Variants in CCDC127 observed in about 807,000 individuals in gnomAD.
CCDC127 encodes the protein coiled-coil domain containing 127.
Under a neutral mutation model 4.1 loss-of-function variants are expected in CCDC127, and 2 were observed. The ratio of observed to expected loss-of-function variants is 0.49; its 90% CI spans 0.20 to 1.53. The LOEUF is 1.53. CCDC127 is among the 40% of genes most tolerant of loss of function. The probability of loss-of-function intolerance (pLI) is 0.23; values close to 1 mark genes in which losing one functional copy is unlikely to be tolerated. For missense variants in CCDC127, 271 were observed against 322.9 expected, an observed-to-expected ratio of 0.84 and a Z score of 1.23; for synonymous variants, 98 against 120.4, an observed-to-expected ratio of 0.81 and a Z score of 1.22.
At chr5:213,836 C>G (rs1407096907) in intron 2 of CCDC127, 1 of 152,254 alleles carries the variant, frequency 6.6e-6, no homozygotes, top group East Asian at 1.9e-4. Flanking sequence ...AGTAATTTCA[C>G]TTCTGGCCCT....
rs1734040060 is a variant in CCDC127 at position 199,953 on chromosome 5, G to T, written c.*5344C>A. On this transcript the variant is annotated 3_prime_UTR_variant, in exon 3 of 3. Transcript: ENST00000296824. ...CCTCTACCTGGACCAGGCAGGTCAT[G>T]AAAGATGGGGCACTGCCTGAGGTCT... 6.6e-6 allele frequency: 1 copy of T among 152,278 alleles called. No individual in the cohort carries two copies. The highest frequency in any genetic ancestry group is 6.5e-5 in the Admixed American group (1 of 15,288). 9.4% of individuals were successfully genotyped at this position (152,278 alleles called of 1,614,324 possible).
rs1204091146 is a variant in CCDC127 at position 197,765 on chromosome 5, T to TCTCC, written c.*7531_*7532insGGAG. 1 of 145,758 alleles carries TCTCC rather than the reference T, an allele frequency of 6.9e-6. No individual in the cohort carries two copies. The highest frequency in any genetic ancestry group is 2.0e-4 in the East Asian group (1 of 5,012). The allele number at this position is 145,758 out of a possible 1,614,324, so 9.0% of individuals were successfully genotyped here. A position where few individuals can be genotyped will look rare whatever the true frequency, so the allele number is the denominator to read the frequency against. ...CTACATAGACACAGTGACAGTCTGA[T>TCTCC]CTCTCTTTTCCCTACACCGCTGCCC... is the stretch of plus-strand genomic sequence containing the variant. On this transcript the variant is annotated 3_prime_UTR_variant, in exon 3 of 3. Transcript: ENST00000296824.
In CCDC127 at chr5:199,645, C is replaced by A. The variant is rs1240626094; in HGVS notation, c.*5652G>T. 6.5e-6 allele frequency: 1 copy of A among 152,784 alleles called. No homozygotes were observed. The highest frequency in any genetic ancestry group is 1.5e-5 in the Non-Finnish European group (1 of 68,620). The allele number at this position is 152,784 out of a possible 1,614,324, so 9.5% of individuals were successfully genotyped here. ...CCCATGGGGAGCAGCCACCTCGGAG[C>A]TATGGCACAGTGCTGTCAAGAGCAG... On this transcript the variant is annotated 3_prime_UTR_variant, in exon 3 of 3. Transcript: ENST00000296824.
chr5:210,121 A>G lies in CCDC127; in HGVS notation c.122-4163T>C, dbSNP rs565367153. Among the ~76,000 whole-genome samples, 34 of 152,378 alleles carry G rather than the reference A, an allele frequency of 2.2e-4. 2 individuals are homozygous for G. In the South Asian group the frequency reaches 6.8e-3, roughly 31 times the overall value. ...GGCAAACAGGCTGGAAAGAAGAAAT[A>G]CAACTAAAGTCTTACTCCTTATTAA... is the stretch of plus-strand genomic sequence containing the variant. On this transcript the variant is annotated intron_variant, in intron 2 of 2. Transcript: ENST00000296824.
rs1734039317 is a variant in CCDC127, at chr5:199,921, C to T, written c.*5376G>A. On this transcript the variant is annotated 3_prime_UTR_variant, in exon 3 of 3. Transcript: ENST00000296824. ...CCCTGCACCTGCTCCTGGAGCAGGA[C>T]TTGACTCCTCTACCTGGACCAGGCA... 1 of 152,326 alleles carries T rather than the reference C, an allele frequency of 6.6e-6. No individual in the cohort carries two copies. Among genetic ancestry groups the T allele is most frequent in the Non-Finnish European group, 1.5e-5 (1 of 68,130 alleles). The allele number at this position is 152,326 out of a possible 1,614,324, so 9.4% of individuals were successfully genotyped here.
intron 2 of CCDC127, among the ~76,000 whole-genome samples, chr5:210,340 G>A (rs1734256955): frequency 6.6e-6 from 1 of 152,130 alleles, no homozygotes; most frequent in African/African-American, 2.4e-5. Context: ...CCCCTATGAA[G>A]AGAATGAAAA....
rs527327917 is a variant in CCDC127, at chr5:217,024, G to C, written c.-10-165C>G. 121 of 546,458 alleles carry C rather than the reference G, an allele frequency of 2.2e-4. 1 individual carries two copies. The African/African-American group carries it at 2.3e-3, about 10-fold the overall frequency. The allele number at this position is 546,458 out of a possible 1,614,324, so 33.9% of individuals were successfully genotyped here. A position where few individuals can be genotyped will look rare whatever the true frequency, so the allele number is the denominator to read the frequency against. On this transcript the variant is annotated intron_variant, in intron 1 of 2. Coordinates refer to ENST00000296824, the MANE Select transcript of CCDC127 (RefSeq NM_145265.3). ...CGGGCACCTGTAGTCCCAGCTACTCGGGAGGCTGAGGCAGGAGAATCGCTT... is the reference window on the plus strand; with the variant it reads ...CGGGCACCTGTAGTCCCAGCTACTCCGGAGGCTGAGGCAGGAGAATCGCTT...
chr5:218,077 A>AC lies in CCDC127; in HGVS notation c.-11+15dup. On this transcript the variant is annotated intron_variant, in intron 1 of 2. Transcript: ENST00000296824. ...TGTTGGTGCCCACCACCTCCCCGGA[A>AC]CAGGGCCCGCTCTACCTCGGTCGGG... is the stretch of plus-strand genomic sequence containing the variant. The AC allele has an allele frequency of 8.6e-7, 1 of 1,164,874 alleles. No individual in the cohort carries two copies. The highest frequency in any genetic ancestry group is 1.1e-6 in the Non-Finnish European group (1 of 943,218). The allele number at this position is 1,164,874 out of a possible 1,614,324, so 72.2% of individuals were successfully genotyped here.
intron 2 of CCDC127, among the ~76,000 whole-genome samples, chr5:209,884 C>CAA (rs199828738): frequency 6.7e-6 from 1 of 149,718 alleles, no homozygotes; most frequent in African/African-American, 2.4e-5. Context: ...TCAATTGAAA[C>CAA]CAAAAAAAAA....
In CCDC127 at chr5:198,084, G is replaced by T. The variant is rs995028073; in HGVS notation, c.*7213C>A. 2.0e-5 allele frequency: 3 copies of T among 152,346 alleles called. No homozygotes were observed. The highest frequency in any genetic ancestry group is 7.2e-5 in the African/African-American group (3 of 41,448). 9.4% of individuals were successfully genotyped at this position (152,346 alleles called of 1,614,324 possible). On this transcript the variant is annotated 3_prime_UTR_variant, in exon 3 of 3. Coordinates refer to ENST00000296824, the MANE Select transcript of CCDC127 (RefSeq NM_145265.3). ...CCCAGGGTAGGGGTTTGCCTGGGTTGTAGGGGTTGGGTACCCAGCATGAGT... is the reference window on the plus strand; with the variant it reads ...CCCAGGGTAGGGGTTTGCCTGGGTTTTAGGGGTTGGGTACCCAGCATGAGT...
In CCDC127 at chr5:205,194, GGC is replaced by G; in HGVS notation, c.*101_*102del. On this transcript the variant is annotated 3_prime_UTR_variant, in exon 3 of 3. Coordinates refer to ENST00000296824, the MANE Select transcript of CCDC127 (RefSeq NM_145265.3). ...GGTCGCTGCTGAAGGGTGACGGTGTGGCCATGACACGGGCAGCACGGGAACGG... is the reference window on the plus strand; with the variant it reads ...GGTCGCTGCTGAAGGGTGACGGTGTGCATGACACGGGCAGCACGGGAACGG... 1 of 1,068,928 alleles carries G rather than the reference GGC, an allele frequency of 9.4e-7. No homozygotes were observed. Among genetic ancestry groups the G allele is most frequent in the South Asian group, 1.5e-5 (1 of 64,834 alleles). 66.2% of individuals were successfully genotyped at this position (1,068,928 alleles called of 1,614,324 possible).
In CCDC127 at chr5:218,144, G is replaced by C; in HGVS notation, c.-62C>G. 1.6e-6 allele frequency: 2 copies of C among 1,239,958 alleles called. No individual in the cohort carries two copies. The highest frequency in any genetic ancestry group is 2.0e-6 in the Non-Finnish European group (2 of 990,352). 76.8% of individuals were successfully genotyped at this position (1,239,958 alleles called of 1,614,324 possible). Reference sequence around the variant, plus strand: ...CGTTCCCTTAACGCCACCGTCCGCGGGTCCGCTTTGCGCAGGCGCGGCGCC... The same window carrying C: ...CGTTCCCTTAACGCCACCGTCCGCGCGTCCGCTTTGCGCAGGCGCGGCGCC... On this transcript the variant is annotated 5_prime_UTR_variant, in exon 1 of 3. Coordinates refer to ENST00000296824, the MANE Select transcript of CCDC127 (RefSeq NM_145265.3).
At position 205,762 on chromosome 5, in the gene CCDC127, A is replaced by G. The variant is rs778062381; in HGVS notation, c.318T>C (p.Leu106=). The G allele has an allele frequency of 5.6e-6, 9 of 1,614,150 alleles. No individual in the cohort carries two copies. The highest frequency in any genetic ancestry group is 5.9e-6 in the Non-Finnish European group (7 of 1,180,020). The change falls in exon 3 of 3, where the codon CTT becomes CTC. Residue 106 remains leucine (L), a synonymous_variant. Coordinates refer to ENST00000296824, the MANE Select transcript of CCDC127 (RefSeq NM_145265.3). ...CTACCAACTTGCGTCCCTGAGAGAT[A>G]AGGGCTTCTCGGTAACTAGCAGTTC... is the stretch of plus-strand genomic sequence containing the variant. The part of the protein sequence containing the change: ...QNRTASYREA[L]ISQGRKLVEE...
At position 201,932 on chromosome 5, in the gene CCDC127, C is replaced by T. The variant is rs1229105886; in HGVS notation, c.*3365G>A. Reference sequence around the variant, plus strand: ...AAACCTAGGATCTCCCAGAGCTCCACTCCTTACCCCAAAGGGTCCTCTCTG... The same window carrying T: ...AAACCTAGGATCTCCCAGAGCTCCATTCCTTACCCCAAAGGGTCCTCTCTG... On this transcript the variant is annotated 3_prime_UTR_variant, in exon 3 of 3. Transcript: ENST00000296824. The T allele has an allele frequency of 6.6e-6, 1 of 152,228 alleles. No homozygotes were observed. The highest frequency in any genetic ancestry group is 2.4e-5 in the African/African-American group (1 of 41,446). 9.4% of individuals were successfully genotyped at this position (152,228 alleles called of 1,614,324 possible).
At chr5:206,792 C>T (rs1488582462) in intron 2 of CCDC127, among the ~76,000 whole-genome samples, 3 of 152,202 alleles carry the variant, frequency 2.0e-5, no homozygotes, top group African/African-American at 7.2e-5. Flanking sequence ...TTCCAAACAG[C>T]GACGTGTTCT....
chr5:213,293 A>T (rs1734310320), intron 2 of CCDC127, among the ~76,000 whole-genome samples: 1 of 81,188 alleles, frequency 1.2e-5, no homozygotes, highest in Non-Finnish European at 2.2e-5. Flanking sequence ...CCACGACGAG[A>T]CAGCACCACA....
At chr5:207,443 G>A (rs1241391257) in intron 2 of CCDC127, among the ~76,000 whole-genome samples, 1 of 152,194 alleles carries the variant, frequency 6.6e-6, no homozygotes, top group African/African-American at 2.4e-5. Flanking sequence ...AGAGAGAAGG[G>A]AAGGCTCGTC....
At chr5:206,474 G>A (rs1183633935) in intron 2 of CCDC127, among the ~76,000 whole-genome samples, 1 of 152,248 alleles carries the variant, frequency 6.6e-6, no homozygotes, top group Non-Finnish European at 1.5e-5. Flanking sequence ...ACGAAAACGG[G>A]ACGAAGATTG....
At position 209,866 on chromosome 5, in the gene CCDC127, C is replaced by T. The variant is rs143246225; in HGVS notation, c.122-3908G>A. On this transcript the variant is annotated intron_variant, in intron 2 of 2. Transcript: ENST00000296824. ...TTACTAAGCTGATGAAGAAAAATCACGATTCCATCAATTGAAACCAAAAAA... is the reference window on the plus strand; with the variant it reads ...TTACTAAGCTGATGAAGAAAAATCATGATTCCATCAATTGAAACCAAAAAA... Among the ~76,000 whole-genome samples the T allele has an allele frequency of 1.3e-3, 196 of 151,984 alleles. 1 individual carries two copies. The highest frequency in any genetic ancestry group is 4.5e-3 in the African/African-American group (185 of 41,440).
Sources: gnomAD v4.1 joint callset for allele counts (sites outside exome capture counted in the v4.1 genomes callset) on GRCh38, gnomAD v4.1.1 for gene constraint, MANE v1.5 for transcripts, NCBI Gene and HGNC (gene_info 2026-07-23, HGNC 2026-07-21) for gene names.